The following FYB2 variants were observed in gnomAD, a reference collection of about 807,000 sequenced individuals.
FYB2 encodes FYN binding protein 2, also known as FYN-binding protein 2.
In FYB2, 103 loss-of-function variants were observed where a neutral mutation model predicts 94.1. That is an observed-to-expected ratio of 1.09 (90% CI 0.93 to 1.29). The LOEUF (loss-of-function observed/expected upper bound fraction) is 1.29, where lower values mean the gene tolerates loss of function less well. FYB2 is among the 50% of genes most tolerant of loss of function. FYB2 has a pLI of 0.00. For synonymous variants in FYB2, 293 were observed against 287.9 expected, an observed-to-expected ratio of 1.02 and a Z score of -0.18; for missense variants, 896 against 841.5, an observed-to-expected ratio of 1.06 and a Z score of -0.80.
rs376295515 is a variant in FYB2, at chr1:56,743,984, C to T, written c.1543+42G>A. 1.9e-5 allele frequency: 30 copies of T among 1,587,382 alleles called. No homozygotes were observed. The South Asian group carries it at 3.2e-4, about 17-fold the overall frequency. ...ACTAATCAGCCATAGAAGCATTCTG[C>T]AATTCCTACTGGCAACTTCAGAAAT... On this transcript the variant is annotated intron_variant, in intron 11 of 19. Transcript: ENST00000343433.
At chr1:56,770,058 C>T (rs568225375) in intron 4 of FYB2, among the ~76,000 whole-genome samples, 1 of 151,946 alleles carries the variant, frequency 6.6e-6, no homozygotes, top group Non-Finnish European at 1.5e-5. Context: ...CACACGAATG[C>T]GTATACACCG....
intron 1 of FYB2, among the ~76,000 whole-genome samples, chr1:56,805,096 A>G (rs1370212133): frequency 6.6e-6 from 1 of 152,132 alleles, no homozygotes; most frequent in African/African-American, 2.4e-5. Context: ...GGTTGGGCCA[A>G]CTGTCTGTAC....
chr1:56,822,309 C>T (rs1420891609), upstream of FYB2, among the ~76,000 whole-genome samples: 2 of 152,228 alleles, frequency 1.3e-5, no homozygotes, highest in African/African-American at 4.8e-5. Context: ...CTGTTTGCTT[C>T]TATTTAAATC....
intron 1 of FYB2, among the ~76,000 whole-genome samples, chr1:56,808,698 T>G (rs1292503490): frequency 6.6e-6 from 1 of 152,146 alleles, no homozygotes; most frequent in African/African-American, 2.4e-5. Context: ...ACTGCTAGCT[T>G]TAAAGAGAAA....
At chr1:56,786,846 A>G (rs1270310789) in intron 4 of FYB2, among the ~76,000 whole-genome samples, 1 of 152,186 alleles carries the variant, frequency 6.6e-6, no homozygotes. Context: ...AATTCCTAAC[A>G]TCACACCAGC....
At chr1:56,721,242 C>T (rs1336996888) in intron 17 of FYB2, among the ~76,000 whole-genome samples, 1 of 151,994 alleles carries the variant, frequency 6.6e-6, no homozygotes, top group African/African-American at 2.4e-5. Context: ...TTCCAGAATA[C>T]GCAGCTTAGA....
intron 17 of FYB2, among the ~76,000 whole-genome samples, chr1:56,721,313 G>T (rs934249605): frequency 6.6e-6 from 1 of 151,958 alleles, no homozygotes. Flanking sequence ...CCAGGGTATT[G>T]TCTGTTTATA....
chr1:56,741,156 A>C (rs1379864553), intron 12 of FYB2, among the ~76,000 whole-genome samples: 1 of 152,048 alleles, frequency 6.6e-6, no homozygotes, highest in Non-Finnish European at 1.5e-5. Flanking sequence ...CATGTCCAAA[A>C]CACATCTCAC....
intron 5 of FYB2, among the ~76,000 whole-genome samples, chr1:56,764,905 C>T (rs1000596004): frequency 2.0e-5 from 3 of 152,152 alleles, no homozygotes; most frequent in African/African-American, 7.2e-5. Flanking sequence ...AAGAAGAAAG[C>T]AATCTTTATT....
At chr1:56,724,104 A>G (rs1644540676) in intron 16 of FYB2, among the ~76,000 whole-genome samples, 1 of 151,528 alleles carries the variant, frequency 6.6e-6, no homozygotes, top group East Asian at 1.9e-4. Flanking sequence ...GTTCCCATTC[A>G]CCTTCAGACT....
intron 1 of FYB2, among the ~76,000 whole-genome samples, chr1:56,796,084 G>T (rs1251524286): frequency 6.6e-6 from 1 of 152,086 alleles, no homozygotes; most frequent in African/African-American, 2.4e-5. Context: ...ATAGTGACTG[G>T]GTGTCTACCA....
chr1:56,738,618 CACTT>C lies in FYB2; in HGVS notation c.1732+3_1732+6del. 1 of 1,609,116 alleles carries C rather than the reference CACTT, an allele frequency of 6.2e-7. No homozygotes were observed. Among genetic ancestry groups the C allele is most frequent in the Non-Finnish European group, 8.5e-7 (1 of 1,177,256 alleles). ...CTTTTGGTCTGCAATAAGCAAATGG[CACTT>C]ACCTAAATCAGGCAGCAAAATGGAA... On this transcript the variant is annotated splice_donor_5th_base_variant and intron_variant, in intron 14 of 19. Coordinates refer to ENST00000343433, the MANE Select transcript of FYB2 (RefSeq NM_001004303.5).
intron 4 of FYB2, among the ~76,000 whole-genome samples, chr1:56,776,537 A>G (rs1052215214): frequency 3.3e-5 from 5 of 152,138 alleles, no homozygotes; most frequent in African/African-American, 1.2e-4. Flanking sequence ...ATTCCTAATA[A>G]ACCAGTCAAA....
chr1:56,756,874 G>A (rs139290347), intron 6 of FYB2, among the ~76,000 whole-genome samples: 214 of 152,194 alleles, frequency 1.4e-3, no homozygotes, highest in African/African-American at 4.9e-3. Flanking sequence ...CACAAAGATC[G>A]TGACAGTAGA....
chr1:56,803,124 T>A (rs1646559720), intron 1 of FYB2, among the ~76,000 whole-genome samples: 1 of 152,170 alleles, frequency 6.6e-6, no homozygotes, highest in Admixed American at 6.5e-5. Context: ...GAATTCAAAT[T>A]TTTTCCAGTT....
At position 56,792,532 on chromosome 1, in the gene FYB2, G is replaced by A; in HGVS notation, c.281C>T (p.Pro94Leu). The change falls in exon 2 of 20, where the codon CCA becomes CTA. Residue 94 changes from proline (P) to leucine (L), a missense_variant. By Grantham distance (98) the Pro-to-Leu change is moderately conservative (BLOSUM62 -3). Transcript: ENST00000343433. ...TACAGTAGACTTTCCCAGAGGCCCT[G>A]GGGAGTTAGAACATTTTGGAATTTC... ...KSEIPKCSNS[P>L]GPLGKSTVCS... 6.2e-7 allele frequency: 1 copy of A among 1,614,144 alleles called. No individual in the cohort carries two copies. The highest frequency in any genetic ancestry group is 2.2e-5 in the East Asian group (1 of 44,880).
chr1:56,814,956 T>A (rs1409162913), intron 1 of FYB2, among the ~76,000 whole-genome samples: 2 of 152,082 alleles, frequency 1.3e-5, no homozygotes, highest in Non-Finnish European at 2.9e-5. Flanking sequence ...TCCCAGAATG[T>A]CAGAGCATGA....
chr1:56,762,184 A>C (rs1416021052), intron 5 of FYB2, among the ~76,000 whole-genome samples: 1 of 152,128 alleles, frequency 6.6e-6, no homozygotes, highest in East Asian at 1.9e-4. Flanking sequence ...TATTTTTCAA[A>C]ATTGTTTTTA....
chr1:56,759,489 C>G (rs1429283908), intron 5 of FYB2, among the ~76,000 whole-genome samples: 1 of 152,100 alleles, frequency 6.6e-6, no homozygotes, highest in African/African-American at 2.4e-5. Context: ...AATTGTAACA[C>G]AGTTATAGAT....
Sources: gnomAD v4.1 joint callset for allele counts (sites outside exome capture counted in the v4.1 genomes callset) on GRCh38, gnomAD v4.1.1 for gene constraint, MANE v1.5 for transcripts, NCBI Gene and HGNC (gene_info 2026-07-23, HGNC 2026-07-21) for gene names.